The following IL1RAPL2 variants were observed in gnomAD, a reference collection of about 807,000 sequenced individuals.
The protein encoded by IL1RAPL2 is X-linked interleukin-1 receptor accessory protein-like 2.
A neutral mutation model predicts 44.1 loss-of-function variants in IL1RAPL2; 3 were observed. The ratio of observed to expected loss-of-function variants is 0.07; its 90% confidence interval spans 0.03 to 0.18. IL1RAPL2 has a LOEUF of 0.18. IL1RAPL2 is among the 10% of genes least tolerant of loss of function. The pLI is 1.00. For synonymous variants in IL1RAPL2, 181 were observed against 178.8 expected (o/e 1.01, Z -0.10); for missense variants, 391 against 496.4 (o/e 0.79, Z 2.02).
At chrX:104,840,959 G>A (rs940546030) in intron 2 of IL1RAPL2, among the ~76,000 whole-genome samples, 4 of 110,737 alleles carry the variant, frequency 3.6e-5, no homozygotes, top group African/African-American at 1.3e-4. Context: ...CAAAGTGCTG[G>A]GATTACAGGC....
rs867829617 is a variant in IL1RAPL2, at chrX:105,619,250, T to A, written c.773-98117T>A. On this transcript the variant is annotated intron_variant, in intron 6 of 10. Transcript: ENST00000372582. ...GCCTGGTTAAGACCAGAAGGCCAAA[T>A]AAAAAAAAAAAAAAAGCACTGTTAA... Among the ~76,000 whole-genome samples, 503 of 73,610 alleles carry A rather than the reference T, an allele frequency of 6.8e-3. 4 individuals are homozygous for A. The highest frequency in any genetic ancestry group is 0.019 in the African/African-American group (390 of 20,716). 63.9% of individuals were successfully genotyped at this position (73,610 alleles called of 115,157 possible).
intron 5 of IL1RAPL2, among the ~76,000 whole-genome samples, chrX:105,462,833 C>T (rs1389062667): frequency 9.0e-6 from 1 of 110,854 alleles, no homozygotes; most frequent in Non-Finnish European, 1.9e-5. Context: ...TCTTCCCCAG[C>T]ACACATGGTC....
In IL1RAPL2 at chrX:105,658,408, C is replaced by T. The variant is rs73529093; in HGVS notation, c.773-58959C>T. ...TTACAAAAATCTTGCATTGCAACACCCACATCCTTTAAATGCCTGGAAAGC... is the reference window on the plus strand; with the variant it reads ...TTACAAAAATCTTGCATTGCAACACTCACATCCTTTAAATGCCTGGAAAGC... On this transcript the variant is annotated intron_variant, in intron 6 of 10. Coordinates refer to ENST00000372582, the MANE Select transcript of IL1RAPL2 (RefSeq NM_017416.2). Among the ~76,000 whole-genome samples, 488 of 112,296 alleles carry T rather than the reference C, an allele frequency of 4.3e-3. 3 individuals are homozygous for T. Among genetic ancestry groups the T allele is most frequent in the African/African-American group, 0.015 (463 of 30,939 alleles).
chrX:104,889,942 CT>C (rs1296362519), intron 2 of IL1RAPL2, among the ~76,000 whole-genome samples: 2 of 110,747 alleles, frequency 1.8e-5, no homozygotes, highest in Admixed American at 1.9e-4. Flanking sequence ...AATGCTATCC[CT>C]CCCCCCTACC....
At chrX:104,921,748 A>C (rs1323978534) in intron 2 of IL1RAPL2, among the ~76,000 whole-genome samples, 4 of 112,724 alleles carry the variant, frequency 3.5e-5, no homozygotes, top group Non-Finnish European at 7.5e-5. Flanking sequence ...GTGTGGCCTG[A>C]TAGCCATGGT....
At chrX:104,646,301 A>G (rs190053945) in intron 1 of IL1RAPL2, among the ~76,000 whole-genome samples, 121 of 106,247 alleles carry the variant, frequency 1.1e-3, no homozygotes, top group African/African-American at 4.0e-3. Flanking sequence ...TTGCATACCT[A>G]CTGTGTTCTA....
intron 2 of IL1RAPL2, among the ~76,000 whole-genome samples, chrX:104,764,277 T>A (rs1427656266): frequency 2.7e-5 from 3 of 111,349 alleles, no homozygotes; most frequent in African/African-American, 9.8e-5. Context: ...ATTTTTTACT[T>A]CTTTGGTTAA....
intron 2 of IL1RAPL2, among the ~76,000 whole-genome samples, chrX:105,161,218 A>AAATAATAATAAT (rs34426902): frequency 0.014 from 1,448 of 101,005 alleles, 28 homozygotes; most frequent in African/African-American, 0.05. Flanking sequence ...ACCCTGTCTC[A>AAATAATAATAAT]AATAATAATA....
At chrX:104,946,685 A>C (rs1282120153) in intron 2 of IL1RAPL2, among the ~76,000 whole-genome samples, 22 of 100,472 alleles carry the variant, frequency 2.2e-4, no homozygotes, top group African/African-American at 8.0e-4. Flanking sequence ...TAGTTCTTGC[A>C]ATAGTTTACT....
chrX:105,088,684 G>T (rs1161859782), intron 2 of IL1RAPL2, among the ~76,000 whole-genome samples: 1 of 111,438 alleles, frequency 9.0e-6, no homozygotes, highest in African/African-American at 3.3e-5. Flanking sequence ...AGTCTCCTGA[G>T]AACACCATAA....
At chrX:105,347,469 G>A (rs1214712579) in intron 5 of IL1RAPL2, among the ~76,000 whole-genome samples, 1 of 111,259 alleles carries the variant, frequency 9.0e-6, no homozygotes, top group African/African-American at 3.3e-5. Context: ...ACAGTGCCTA[G>A]TAAACACTCA....
At position 104,712,466 on chromosome X, in the gene IL1RAPL2, C is replaced by T. The variant is rs190283708; in HGVS notation, c.82+53471C>T. 1.5e-3 allele frequency among the ~76,000 whole-genome samples: 166 copies of T among 110,412 alleles called. 1 individual carries two copies. Among genetic ancestry groups the T allele is most frequent in the African/African-American group, 5.1e-3 (156 of 30,498 alleles). ...TCTGCTGCTTGGCATGTGCTTTAGA[C>T]CTATATGTTTACAAGGACAAAAATG... On this transcript the variant is annotated intron_variant, in intron 2 of 10. Coordinates refer to ENST00000372582, the MANE Select transcript of IL1RAPL2 (RefSeq NM_017416.2).
At chrX:104,597,693 T>C (rs1928793880) in intron 1 of IL1RAPL2, among the ~76,000 whole-genome samples, 1 of 110,399 alleles carries the variant, frequency 9.1e-6, no homozygotes, top group Non-Finnish European at 1.9e-5. Flanking sequence ...GGAAGGTTTT[T>C]AGTTCCTTCC....
intron 2 of IL1RAPL2, among the ~76,000 whole-genome samples, chrX:104,874,279 C>CCTCTCCCTCTCTCTCT (rs747491911): frequency 3.1e-4 from 24 of 76,310 alleles, no homozygotes; most frequent in Non-Finnish European, 5.6e-4. Context: ...TGTCTGTATT[C>CCTCTCCCTCTCTCTCT]CTCTCTCTCT....
At chrX:104,676,545 T>G (rs1161159756) in intron 2 of IL1RAPL2, among the ~76,000 whole-genome samples, 1 of 111,904 alleles carries the variant, frequency 8.9e-6, no homozygotes, top group East Asian at 2.8e-4. Context: ...TTTTCCTTCA[T>G]TTCAACTTTG....
chrX:104,776,909 C>T (rs1031529452), intron 2 of IL1RAPL2, among the ~76,000 whole-genome samples: 1 of 111,581 alleles, frequency 9.0e-6, no homozygotes, highest in Non-Finnish European at 1.9e-5. Context: ...ACCTAACGCT[C>T]TTTTTCTGTT....
chrX:104,949,263 T>C (rs1349334316), intron 2 of IL1RAPL2, among the ~76,000 whole-genome samples: 1 of 110,259 alleles, frequency 9.1e-6, no homozygotes, highest in African/African-American at 3.3e-5. Flanking sequence ...TCGGTGGTGA[T>C]ATCCCCTTTA....
chrX:105,183,071 G>C, intron 2 of IL1RAPL2, among the ~76,000 whole-genome samples: 1 of 111,159 alleles, frequency 9.0e-6, no homozygotes, highest in Non-Finnish European at 1.9e-5. Flanking sequence ...GCGAGTGGAG[G>C]GTGGTGTTTC....
At chrX:104,610,680 T>C (rs1226199707) in intron 1 of IL1RAPL2, among the ~76,000 whole-genome samples, 1 of 111,692 alleles carries the variant, frequency 9.0e-6, no homozygotes, top group Non-Finnish European at 1.9e-5. Context: ...GAAGAATCAA[T>C]ATCTTGAAAA....
Sources: gnomAD v4.1 joint callset for allele counts (sites outside exome capture counted in the v4.1 genomes callset) on GRCh38, gnomAD v4.1.1 for gene constraint, MANE v1.5 for transcripts, NCBI Gene and HGNC (gene_info 2026-07-23, HGNC 2026-07-21) for gene names.